Variants in SLC25A13 observed in about 807,000 individuals in gnomAD.
SLC25A13 encodes solute carrier family 25 member 13, also known as electrogenic aspartate/glutamate antiporter SLC25A13, mitochondrial.
SLC25A13 carries 70 observed loss-of-function variants against 85.5 expected under a neutral mutation model. The ratio of observed to expected loss-of-function variants is 0.82; its 90% CI spans 0.68 to 1.00. The LOEUF is 1.00. SLC25A13 is among the 50% of genes least tolerant of loss of function. The pLI, the probability that SLC25A13 is intolerant of heterozygous loss-of-function variation, is 0.00. For missense variants in SLC25A13, 765 were observed against 819.8 expected (o/e 0.93, Z 0.82); for synonymous variants, 259 against 288.7 (o/e 0.90, Z 1.04).
chr7:96,155,950 G>C (rs1793246167), intron 13 of SLC25A13, among the ~76,000 whole-genome samples: 1 of 152,214 alleles, frequency 6.6e-6, no homozygotes, highest in Non-Finnish European at 1.5e-5. Context: ...CCCACGCTCA[G>C]AACCATTACG....
chr7:96,292,381 G>A (rs960349900), intron 2 of SLC25A13, among the ~76,000 whole-genome samples: 3 of 152,166 alleles, frequency 2.0e-5, no homozygotes, highest in African/African-American at 7.2e-5. Context: ...AGACAAGGAT[G>A]CCGTCTCTCA....
At chr7:96,151,469 C>T (rs933234148) in intron 13 of SLC25A13, among the ~76,000 whole-genome samples, 4 of 151,894 alleles carry the variant, frequency 2.6e-5, no homozygotes, top group Admixed American at 2.0e-4. Context: ...TGGTGACGCA[C>T]ACCTGTAATC....
At chr7:96,151,141 C>G (rs1793026682) in intron 13 of SLC25A13, among the ~76,000 whole-genome samples, 1 of 152,096 alleles carries the variant, frequency 6.6e-6, no homozygotes, top group Non-Finnish European at 1.5e-5. Flanking sequence ...GGAACAGTGA[C>G]AAGGGCATAT....
chr7:96,195,723 C>T (rs947246302), intron 5 of SLC25A13, among the ~76,000 whole-genome samples: 2 of 152,152 alleles, frequency 1.3e-5, no homozygotes, highest in African/African-American at 4.8e-5. Flanking sequence ...TTGCCCACAT[C>T]GTTACTTCCA....
chr7:96,227,384 C>T (rs985466732), intron 4 of SLC25A13, among the ~76,000 whole-genome samples: 25 of 152,182 alleles, frequency 1.6e-4, no homozygotes, highest in African/African-American at 5.5e-4. Flanking sequence ...AGATATTATA[C>T]ATATTCAAGG....
In SLC25A13 at chr7:96,131,687, G is replaced by A. The variant is rs80231631; in HGVS notation, c.1591+56C>T. 1.4e-3 allele frequency: 2,249 copies of A among 1,611,314 alleles called. 29 individuals carry two copies. The African/African-American group carries it at 0.027, about 19-fold the overall frequency. On this transcript the variant is annotated intron_variant, in intron 15 of 17. Coordinates refer to ENST00000265631, the MANE Select transcript of SLC25A13 (RefSeq NM_014251.3). ...ATTTCAATGTAGTAGCATGCAGCTA[G>A]GGAAGGGGGGCAGCAAGGGTCAGGG... is the stretch of plus-strand genomic sequence containing the variant.
intron 3 of SLC25A13, among the ~76,000 whole-genome samples, chr7:96,246,378 T>C (rs1380925572): frequency 2.0e-5 from 3 of 152,240 alleles, no homozygotes; most frequent in Admixed American, 6.5e-5. Flanking sequence ...TGGAACACAA[T>C]GCCTTTCTCA....
intron 4 of SLC25A13, chr7:96,219,732 C>A (rs748198350): frequency 7.5e-6 from 4 of 534,392 alleles, no homozygotes; most frequent in Admixed American, 3.9e-5. Context: ...ACAATGAGAA[C>A]CCATGGTCTA....
intron 5 of SLC25A13, among the ~76,000 whole-genome samples, chr7:96,206,902 C>T (rs1453197136): frequency 6.6e-6 from 1 of 152,184 alleles, no homozygotes; most frequent in Non-Finnish European, 1.5e-5. Flanking sequence ...ACACGATCAT[C>T]CTTACTACTG....
At chr7:96,220,522 T>A (rs1796079704) in intron 4 of SLC25A13, among the ~76,000 whole-genome samples, 1 of 152,168 alleles carries the variant, frequency 6.6e-6, no homozygotes, top group Non-Finnish European at 1.5e-5. Flanking sequence ...TTGGAAGAAA[T>A]CAGTCATTAG....
intron 1 of SLC25A13, among the ~76,000 whole-genome samples, chr7:96,312,947 G>A (rs1397616027): frequency 6.6e-6 from 1 of 152,208 alleles, no homozygotes; most frequent in African/African-American, 2.4e-5. Context: ...CAGGCTGATG[G>A]TGTCTCTCCT....
intron 4 of SLC25A13, among the ~76,000 whole-genome samples, chr7:96,218,569 CTAAAT>C (rs1226069636): frequency 1.3e-5 from 2 of 152,110 alleles, no homozygotes; most frequent in East Asian, 3.8e-4. Flanking sequence ...TACAGAATAA[CTAAAT>C]TAATGCATTT....
At chr7:96,258,014 A>G (rs1228726043) in intron 3 of SLC25A13, among the ~76,000 whole-genome samples, 1 of 152,230 alleles carries the variant, frequency 6.6e-6, no homozygotes, top group Admixed American at 6.5e-5. Context: ...ATAAAATTCA[A>G]CATCCCTTCA....
At chr7:96,202,252 C>T (rs1430614980) in intron 5 of SLC25A13, among the ~76,000 whole-genome samples, 4 of 152,200 alleles carry the variant, frequency 2.6e-5, no homozygotes, top group African/African-American at 9.7e-5. Context: ...ATGCCAGACA[C>T]AGCTTTGATC....
intron 5 of SLC25A13, among the ~76,000 whole-genome samples, chr7:96,206,849 A>G (rs544869011): frequency 6.6e-6 from 1 of 152,328 alleles, no homozygotes; most frequent in South Asian, 2.1e-4. Flanking sequence ...GCAGTTGAAA[A>G]TCTACTCAAT....
intron 4 of SLC25A13, among the ~76,000 whole-genome samples, chr7:96,225,719 T>C (rs1367498505): frequency 6.6e-6 from 1 of 152,156 alleles, no homozygotes; most frequent in Non-Finnish European, 1.5e-5. Flanking sequence ...GCCCATATCA[T>C]GCCAGTTCAG....
chr7:96,285,859 C>A (rs1172847696), intron 2 of SLC25A13, among the ~76,000 whole-genome samples: 1 of 152,098 alleles, frequency 6.6e-6, no homozygotes, highest in Non-Finnish European at 1.5e-5. Context: ...GGAAGCAACA[C>A]CAAAAGTACT....
intron 11 of SLC25A13, among the ~76,000 whole-genome samples, chr7:96,182,515 C>T (rs1440636974): frequency 6.6e-6 from 1 of 152,212 alleles, no homozygotes; most frequent in Non-Finnish European, 1.5e-5. Flanking sequence ...GAGCCTCTGT[C>T]TGTACCTAAT....
chr7:96,269,385 C>T (rs1798148576), intron 3 of SLC25A13, among the ~76,000 whole-genome samples: 1 of 152,232 alleles, frequency 6.6e-6, no homozygotes, highest in Admixed American at 6.5e-5. Context: ...TCCCAGCCCA[C>T]ACATAGGTGA....
Sources: gnomAD v4.1 joint callset for allele counts (sites outside exome capture counted in the v4.1 genomes callset) on GRCh38, gnomAD v4.1.1 for gene constraint, MANE v1.5 for transcripts, NCBI Gene and HGNC (gene_info 2026-07-23, HGNC 2026-07-21) for gene names.